Variants in ADAM2 observed in about 807,000 individuals in gnomAD.
ADAM2 encodes ADAM metallopeptidase domain 2.
A neutral mutation model predicts 99.3 loss-of-function variants in ADAM2; 101 were observed. The observed-to-expected ratio is 1.02, with a 90% CI of 0.87 to 1.20. The LOEUF is 1.20. Ranked by LOEUF, ADAM2 falls within the 50% of genes most tolerant of loss-of-function variation. The probability of loss-of-function intolerance (pLI) is 0.00; values close to 1 mark genes in which losing one functional copy is unlikely to be tolerated. For synonymous variants in ADAM2, 323 were observed against 287.6 expected, an observed-to-expected ratio of 1.12 and a Z score of -1.25; for missense variants, 948 against 878.7, an observed-to-expected ratio of 1.08 and a Z score of -1.00.
At chr8:39,745,010 C>T (rs1258002929) in intron 19 of ADAM2, 117 bp from the exon 20 acceptor site, 2 of 743,858 alleles carry the variant, frequency 2.7e-6, no homozygotes, top group African/African-American at 3.6e-5. Flanking sequence ...TGGGTTCACC[C>T]ATTATTTGAG....
At chr8:39,808,354 G>A (rs1300956728) in intron 7 of ADAM2, among the ~76,000 whole-genome samples, 1 of 151,428 alleles carries the variant, frequency 6.6e-6, no homozygotes, top group African/African-American at 2.4e-5. Flanking sequence ...TAGGAAATAG[G>A]AATAGATTTA....
chr8:39,772,115 A>G (rs1802807685), intron 11 of ADAM2, among the ~76,000 whole-genome samples: 2 of 151,494 alleles, frequency 1.3e-5, no homozygotes, highest in African/African-American at 2.4e-5. Flanking sequence ...ACGGTAAAAA[A>G]AAAAAAAAAG....
intron 6 of ADAM2, among the ~76,000 whole-genome samples, chr8:39,813,030 G>A (rs148003314): frequency 2.2e-4 from 33 of 152,172 alleles, no homozygotes; most frequent in African/African-American, 8.0e-4. Context: ...TCTGACAAAG[G>A]GTTAATATCC....
At position 39,821,045 on chromosome 8, in the gene ADAM2, T is replaced by C. The variant is rs763462265; in HGVS notation, c.470A>G (p.Asp157Gly). ...KADVSLYNEK[D>G]IESRDLSFKL... ...AAAGGACAGATCTCTTGATTCAATATCCTTCTCATTATATAAGGAAACATC... is the reference window on the plus strand; with the variant it reads ...AAAGGACAGATCTCTTGATTCAATACCCTTCTCATTATATAAGGAAACATC... The change falls in exon 6 of 21, where the codon GAT becomes GGT. Residue 157 changes from aspartate to glycine, a missense_variant. By Grantham distance (94) the Asp-to-Gly change is moderately conservative (BLOSUM62 -1). Coordinates refer to ENST00000265708, the MANE Select transcript of ADAM2 (RefSeq NM_001464.5). 7 of 1,605,508 alleles carry C rather than the reference T, an allele frequency of 4.4e-6. 1 individual carries two copies. The South Asian group carries it at 7.8e-5, about 18-fold the overall frequency.
chr8:39,812,115 G>C (rs148100002), intron 6 of ADAM2, among the ~76,000 whole-genome samples: 1 of 152,110 alleles, frequency 6.6e-6, no homozygotes, highest in Non-Finnish European at 1.5e-5. Flanking sequence ...AAAATCACAA[G>C]CATTCCTATA....
At chr8:39,784,481 A>G (rs1419948358) in intron 10 of ADAM2, among the ~76,000 whole-genome samples, 2 of 152,158 alleles carry the variant, frequency 1.3e-5, no homozygotes, top group Non-Finnish European at 2.9e-5. Flanking sequence ...CCTAGGCTCA[A>G]GTGATCCTCC....
intron 19 of ADAM2, among the ~76,000 whole-genome samples, chr8:39,746,015 G>GTA (rs1196469288): frequency 9.3e-6 from 1 of 107,854 alleles, no homozygotes; most frequent in East Asian, 4.9e-4. Flanking sequence ...ATGTGTGTGT[G>GTA]TGTATATATA....
chr8:39,829,323 A>G (rs1805529895), intron 3 of ADAM2, among the ~76,000 whole-genome samples: 1 of 152,036 alleles, frequency 6.6e-6, no homozygotes, highest in African/African-American at 2.4e-5. Flanking sequence ...GATTAGAAAT[A>G]TCTTTTGACA....
chr8:39,802,424 C>G (rs1266146336), intron 7 of ADAM2, among the ~76,000 whole-genome samples: 1 of 152,200 alleles, frequency 6.6e-6, no homozygotes, highest in Non-Finnish European at 1.5e-5. Context: ...AGTCGGCCAT[C>G]TTGGCCCCCC....
At chr8:39,793,196 A>C (rs1249641414) in intron 7 of ADAM2, among the ~76,000 whole-genome samples, 1 of 152,226 alleles carries the variant, frequency 6.6e-6, no homozygotes, top group South Asian at 2.1e-4. Flanking sequence ...TTATTTCAGC[A>C]AATGATAGTA....
chr8:39,792,230 C>CA lies in ADAM2; in HGVS notation c.571-3491dup, dbSNP rs35187328. Among the ~76,000 whole-genome samples, 1,122 of 148,370 alleles carry CA rather than the reference C, an allele frequency of 7.6e-3. 5 individuals are homozygous for CA. Among genetic ancestry groups the CA allele is most frequent in the Middle Eastern group, 0.025 (7 of 284 alleles). On this transcript the variant is annotated intron_variant, in intron 7 of 20. Coordinates refer to ENST00000265708, the MANE Select transcript of ADAM2 (RefSeq NM_001464.5). The stretch of plus-strand genomic sequence containing the variant: ...TGTTCCTGGAAGCTGTAAATATTTA[C>CA]AAAAAAAAATGGCAAAACCTTACTA...
intron 2 of ADAM2, among the ~76,000 whole-genome samples, chr8:39,835,286 A>G (rs1805775731): frequency 6.6e-6 from 1 of 152,080 alleles, no homozygotes; most frequent in East Asian, 1.9e-4. Context: ...CACATGTTGC[A>G]TTTCATCTTT....
chr8:39,804,263 C>G (rs1804341249), intron 7 of ADAM2, among the ~76,000 whole-genome samples: 1 of 152,026 alleles, frequency 6.6e-6, no homozygotes, highest in African/African-American at 2.4e-5. Context: ...TTGGATTTAA[C>G]CAGGTTTGAG....
intron 11 of ADAM2, among the ~76,000 whole-genome samples, chr8:39,774,170 C>T (rs1802895619): frequency 6.6e-6 from 1 of 151,922 alleles, no homozygotes; most frequent in South Asian, 2.1e-4. Flanking sequence ...AAAGCTTTCT[C>T]AATCTGATTA....
intron 15 of ADAM2, among the ~76,000 whole-genome samples, chr8:39,758,794 C>T (rs1490088592): frequency 1.3e-5 from 2 of 152,046 alleles, no homozygotes; most frequent in Non-Finnish European, 2.9e-5. Flanking sequence ...GACACATTAA[C>T]CAGCTCAAAG....
At chr8:39,775,788 C>T (rs1802964131) in intron 11 of ADAM2, among the ~76,000 whole-genome samples, 1 of 152,054 alleles carries the variant, frequency 6.6e-6, no homozygotes, top group Non-Finnish European at 1.5e-5. Flanking sequence ...CTAGCTTGCT[C>T]CCAGATTTAC....
intron 7 of ADAM2, among the ~76,000 whole-genome samples, chr8:39,793,790 A>C (rs765695171): frequency 5.9e-5 from 9 of 152,050 alleles, no homozygotes; most frequent in Non-Finnish European, 1.5e-5. Flanking sequence ...CGAACTGGAG[A>C]ATTTCTATTT....
chr8:39,744,440 C>A (rs1055628617), intron 20 of ADAM2, among the ~76,000 whole-genome samples: 4 of 151,764 alleles, frequency 2.6e-5, no homozygotes, highest in South Asian at 2.1e-4. Flanking sequence ...TCCCCCCAAC[C>A]CCCCCATCCT....
intron 6 of ADAM2, among the ~76,000 whole-genome samples, chr8:39,810,529 TG>T (rs1258640829): frequency 6.6e-6 from 1 of 152,204 alleles, no homozygotes. Flanking sequence ...ACCACATAGT[TG>T]GAAGTGAGGC....
Sources: gnomAD v4.1 joint callset for allele counts (sites outside exome capture counted in the v4.1 genomes callset) on GRCh38, gnomAD v4.1.1 for gene constraint, MANE v1.5 for transcripts, NCBI Gene and HGNC (gene_info 2026-07-23, HGNC 2026-07-21) for gene names.